Variants in PUDP observed in about 807,000 individuals in gnomAD.
The protein encoded by PUDP is pseudouridine-5'-phosphatase.
In PUDP, 8 loss-of-function variants were observed where a neutral mutation model predicts 9.4. That is an observed-to-expected ratio of 0.85 (90% CI 0.50 to 1.53). The LOEUF is 1.53. Ranked by LOEUF, PUDP falls within the 40% of genes most tolerant of loss-of-function variation. The pLI, the probability that PUDP is intolerant of heterozygous loss-of-function variation, is 0.00. For synonymous variants in PUDP, 99 were observed against 80.7 expected, an observed-to-expected ratio of 1.23 and a Z score of -1.22; for missense variants, 188 against 189.7, an observed-to-expected ratio of 0.99 and a Z score of 0.05.
At chrX:6,891,885 G>T (rs776340019) in intron 3 of PUDP, among the ~76,000 whole-genome samples, 1 of 111,522 alleles carries the variant, frequency 9.0e-6, no homozygotes, top group East Asian at 2.8e-4. Flanking sequence ...TAAACTAACC[G>T]AGTCAACTTT....
chrX:7,144,855 A>T, intron 1 of PUDP, among the ~76,000 whole-genome samples: 1 of 112,222 alleles, frequency 8.9e-6, no homozygotes, highest in Non-Finnish European at 1.9e-5. Flanking sequence ...TTTTAAAAGG[A>T]TTTTAAATAA....
At chrX:6,851,759 T>C (rs1926830244) in intron 3 of PUDP, among the ~76,000 whole-genome samples, 1 of 110,829 alleles carries the variant, frequency 9.0e-6, no homozygotes, top group Non-Finnish European at 1.9e-5. Context: ...GGTATCACCT[T>C]AACACAGGCA....
At chrX:6,798,307 T>A (rs948646808) in intron 3 of PUDP, among the ~76,000 whole-genome samples, 1 of 111,553 alleles carries the variant, frequency 9.0e-6, no homozygotes, top group Non-Finnish European at 1.9e-5. Flanking sequence ...ATGAGAATAG[T>A]ATGGGGGAAA....
At chrX:7,106,166 A>C (rs1388008030) in intron 1 of PUDP, among the ~76,000 whole-genome samples, 9 of 112,847 alleles carry the variant, frequency 8.0e-5, no homozygotes, top group African/African-American at 2.3e-4. Flanking sequence ...ATTCCATTCG[A>C]TAGCACAAGG....
chrX:6,764,810 G>T (rs1925265132), intron 3 of PUDP, among the ~76,000 whole-genome samples: 2 of 111,543 alleles, frequency 1.8e-5, no homozygotes. Context: ...GGAACATACT[G>T]AAAAAATACT....
chrX:7,061,687 C>A (rs1930407993), intron 3 of PUDP, among the ~76,000 whole-genome samples: 1 of 107,250 alleles, frequency 9.3e-6, no homozygotes, highest in African/African-American at 3.4e-5. Flanking sequence ...TGTTCAATTG[C>A]ATGGAATAAT....
At chrX:7,109,784 G>A (rs1931987076) in intron 1 of PUDP, among the ~76,000 whole-genome samples, 1 of 112,700 alleles carries the variant, frequency 8.9e-6, no homozygotes, top group Non-Finnish European at 1.9e-5. Context: ...ATAAAATAAA[G>A]GAGCATAAAA....
intron 3 of PUDP, among the ~76,000 whole-genome samples, chrX:6,932,544 C>G (rs192298239): frequency 4.5e-5 from 5 of 111,222 alleles, no homozygotes; most frequent in Non-Finnish European, 9.4e-5. Context: ...GCGTGAGCGA[C>G]GCAGAAGACG....
intron 3 of PUDP, among the ~76,000 whole-genome samples, chrX:6,966,545 A>AT (rs748670894): frequency 0.26 from 23,629 of 89,463 alleles, 2,802 homozygotes; most frequent in Admixed American, 0.37. Flanking sequence ...TCGCCTTCAT[A>AT]TTTTTTTTTT....
chrX:6,822,387 C>G (rs763522571), intron 3 of PUDP, among the ~76,000 whole-genome samples: 2 of 112,645 alleles, frequency 1.8e-5, no homozygotes, highest in African/African-American at 6.4e-5. Context: ...TGCCTGCCCC[C>G]CTCTTCATCA....
rs1348808025 is a variant in PUDP, at chrX:6,984,436, TATTTTTTAA to T, written c.205-6102_205-6094del. On this transcript the variant is annotated intron_variant and NMD_transcript_variant, in intron 1 of 3. Coordinates refer to the PUDP transcript ENST00000655425. ...GAATGATATCTCAATATAGCTGTTCTATTTTTTAAGGAAAAATATAGAGTGCCATAAGTG... is the reference window on the plus strand; with the variant it reads ...GAATGATATCTCAATATAGCTGTTCTGGAAAAATATAGAGTGCCATAAGTG... Among the ~76,000 whole-genome samples, 5 of 112,341 alleles carry T rather than the reference TATTTTTTAA, an allele frequency of 4.5e-5. No individual in the cohort carries two copies. The East Asian group carries it at 1.4e-3, about 31-fold the overall frequency.
In PUDP at chrX:7,050,062, A is replaced by C. The variant is rs1283028912; in HGVS notation, c.*234T>G. 5.5e-6 allele frequency: 2 copies of C among 361,875 alleles called. No homozygotes were observed. The highest frequency in any genetic ancestry group is 9.6e-6 in the Non-Finnish European group (2 of 208,936). The allele number at this position is 361,875 out of a possible 1,213,427, so 29.8% of individuals were successfully genotyped here. A position where few individuals can be genotyped will look rare whatever the true frequency, so the allele number is the denominator to read the frequency against. On this transcript the variant is annotated 3_prime_UTR_variant, in exon 4 of 4. Transcript: ENST00000381077. ...CTTCTGAGATGGTAATTCAAGTTTC[A>C]TCTTTGTTCTGGGCTTCGTTTCTGT... is the stretch of plus-strand genomic sequence containing the variant.
chrX:7,147,129 T>A (rs1407979590), intron 1 of PUDP, among the ~76,000 whole-genome samples: 1 of 111,222 alleles, frequency 9.0e-6, no homozygotes, highest in East Asian at 2.8e-4. Context: ...GTGCTAAGAC[T>A]GACTACCTTA....
chrX:7,093,692 A>G (rs188663072), intron 2 of PUDP, among the ~76,000 whole-genome samples: 119 of 112,004 alleles, frequency 1.1e-3, no homozygotes, highest in African/African-American at 3.7e-3. Flanking sequence ...CATTGTGGTC[A>G]TTTATCTACT....
chrX:6,909,040 C>T (rs910545090), intron 3 of PUDP, among the ~76,000 whole-genome samples: 1 of 111,464 alleles, frequency 9.0e-6, no homozygotes, highest in Non-Finnish European at 1.9e-5. Context: ...TATCTCTGAT[C>T]CAAAGATACC....
chrX:6,980,297 C>T (rs1262326960), intron 1 of PUDP, among the ~76,000 whole-genome samples: 1 of 109,562 alleles, frequency 9.1e-6, no homozygotes, highest in Non-Finnish European at 1.9e-5. Context: ...CAGCCTTAAC[C>T]TCCTAGGCTA....
intron 3 of PUDP, among the ~76,000 whole-genome samples, chrX:6,837,655 G>A (rs1453951671): frequency 1.8e-5 from 2 of 112,190 alleles, no homozygotes; most frequent in Middle Eastern, 4.6e-3. Context: ...TACTGCCATG[G>A]TCAGAAGGCC....
At chrX:6,937,770 T>A (rs201692571) in intron 3 of PUDP, among the ~76,000 whole-genome samples, 15,150 of 64,950 alleles carry the variant, frequency 0.23, 1,639 homozygotes, top group Admixed American at 0.39. Context: ...TACAATGAAC[T>A]CAAACAAATT....
At chrX:6,796,838 A>C (rs5989574) in intron 3 of PUDP, among the ~76,000 whole-genome samples, 51,934 of 110,317 alleles carry the variant, frequency 0.47, 10,278 homozygotes, top group Non-Finnish European at 0.62. Flanking sequence ...TTTTAAGAAC[A>C]AAATACAGCA....
Sources: allele counts gnomAD v4.1 joint callset (sites outside exome capture counted in the v4.1 genomes callset), GRCh38; gene constraint gnomAD v4.1.1; transcripts MANE v1.5; gene names NCBI Gene and HGNC (gene_info 2026-07-23, HGNC 2026-07-21).